SEMA3D: variants seen among roughly 807,000 people sequenced by gnomAD.
SEMA3D encodes the protein semaphorin 3D.
A neutral mutation model predicts 100.1 loss-of-function variants in SEMA3D; 84 were observed. That is an observed-to-expected ratio of 0.84 (90% CI 0.70 to 1.01). SEMA3D has a LOEUF of 1.01. SEMA3D is among the 50% of genes least tolerant of loss of function. The probability of loss-of-function intolerance (pLI) is 0.00; values close to 1 mark genes in which losing one functional copy is unlikely to be tolerated. For missense variants in SEMA3D, 875 were observed against 934.1 expected (o/e 0.94, Z 0.82); for synonymous variants, 312 against 320.7 (o/e 0.97, Z 0.29).
chr7:85,050,436 A>G (rs1476333114), intron 9 of SEMA3D: 1 of 230,878 alleles, frequency 4.3e-6, no homozygotes, highest in Non-Finnish European at 8.4e-6. Context: ...TAGAGTAAGT[A>G]GTTTGACTGG....
intron 1 of SEMA3D, among the ~76,000 whole-genome samples, chr7:85,169,962 AT>A: frequency 6.6e-6 from 1 of 151,858 alleles, no homozygotes; most frequent in South Asian, 2.1e-4. Context: ...GAATGTGAAA[AT>A]AAAAAAAAGT....
the SEMA3D span, among the ~76,000 whole-genome samples, chr7:85,223,837 A>G: frequency 9.2e-5 from 14 of 152,022 alleles, no homozygotes; most frequent in Non-Finnish European, 1.9e-4. Flanking sequence ...TGGGTGCATC[A>G]AAATCTCAGA....
At chr7:85,002,615 G>C (rs893775003) in intron 18 of SEMA3D, among the ~76,000 whole-genome samples, 2 of 152,226 alleles carry the variant, frequency 1.3e-5, no homozygotes, top group South Asian at 4.1e-4. Context: ...CCTCAACAAA[G>C]AGATAATGTA....
At position 85,120,666 on chromosome 7, in the gene SEMA3D, CAA is replaced by C. The variant is rs765641197; in HGVS notation, c.151+1073_151+1074del. On this transcript the variant is annotated intron_variant, in intron 3 of 18. Transcript: ENST00000284136. ...TGGGCAACAGAATGAGACTTCATCT[CAA>C]AAAAAAAAAAAAAAAGGTTTTAATT... Among the ~76,000 whole-genome samples, 116 of 82,798 alleles carry C rather than the reference CAA, an allele frequency of 1.4e-3. 1 individual carries two copies. The highest frequency in any genetic ancestry group is 3.9e-3 in the African/African-American group (100 of 25,658). 54.3% of individuals were successfully genotyped at this position (82,798 alleles called of 152,430 possible).
chr7:85,070,241 C>T (rs1033438371), intron 6 of SEMA3D, among the ~76,000 whole-genome samples: 10 of 152,198 alleles, frequency 6.6e-5, no homozygotes, highest in African/African-American at 2.4e-4. Flanking sequence ...GCCCACTTGG[C>T]ATGACCTACT....
At chr7:85,027,247 A>C (rs1413407989) in intron 12 of SEMA3D, among the ~76,000 whole-genome samples, 3 of 152,070 alleles carry the variant, frequency 2.0e-5, no homozygotes, top group Admixed American at 2.0e-4. Flanking sequence ...ATAATTTTTC[A>C]ATGACTCTTA....
rs575438444 is a variant in SEMA3D, at chr7:85,172,999, C to A, written c.-173+13679G>T. ...ACCTTTTTAGAAAAGGCATAAGGAA[C>A]AAGGCACAAAAGAAACAAGGTTGTA... On this transcript the variant is annotated intron_variant, in intron 1 of 18. Coordinates refer to ENST00000284136, the MANE Select transcript of SEMA3D (RefSeq NM_001384900.1). Among the ~76,000 whole-genome samples, 4 of 151,992 alleles carry A rather than the reference C, an allele frequency of 2.6e-5. No individual in the cohort carries two copies. The East Asian group carries it at 5.8e-4, about 22-fold the overall frequency.
At chr7:85,016,250 CTT>C (rs59812080) in intron 15 of SEMA3D, among the ~76,000 whole-genome samples, 42,443 of 128,468 alleles carry the variant, frequency 0.33, 6,200 homozygotes, top group African/African-American at 0.38. Context: ...TTTGTGATTC[CTT>C]TTTTTTTTTT....
intron 18 of SEMA3D, among the ~76,000 whole-genome samples, chr7:85,004,139 A>T (rs1048939956): frequency 6.6e-6 from 1 of 152,050 alleles, no homozygotes; most frequent in African/African-American, 2.4e-5. Flanking sequence ...GGAGACAGAA[A>T]AAACATGGAA....
the SEMA3D span, among the ~76,000 whole-genome samples, chr7:85,207,947 C>A: frequency 6.6e-6 from 1 of 151,832 alleles, no homozygotes; most frequent in Non-Finnish European, 1.5e-5. Context: ...GTCAGTTAGA[C>A]GAAAATATCT....
chr7:85,112,530 T>A (rs1327466007), intron 3 of SEMA3D, among the ~76,000 whole-genome samples: 2 of 152,276 alleles, frequency 1.3e-5, no homozygotes, highest in East Asian at 3.9e-4. Flanking sequence ...AAATGCAATG[T>A]TTTCCTCAAG....
chr7:85,193,516 G>A, the SEMA3D span, among the ~76,000 whole-genome samples: 1 of 152,116 alleles, frequency 6.6e-6, no homozygotes, highest in Non-Finnish European at 1.5e-5. Context: ...CGTCTAACCT[G>A]CTGGGATTTT....
At chr7:85,002,714 G>A (rs149471973) in intron 18 of SEMA3D, among the ~76,000 whole-genome samples, 5 of 152,232 alleles carry the variant, frequency 3.3e-5, no homozygotes, top group African/African-American at 4.8e-5. Context: ...TTAAAACCAC[G>A]TTTGAGCTGG....
chr7:85,144,607 T>C, intron 2 of SEMA3D: 3 of 984,576 alleles, frequency 3.0e-6, no homozygotes, highest in Non-Finnish European at 3.6e-6. Context: ...TTCTAAGAAT[T>C]TATACACATA....
intron 2 of SEMA3D, among the ~76,000 whole-genome samples, chr7:85,138,398 C>T (rs1789924741): frequency 6.6e-6 from 1 of 151,884 alleles, no homozygotes; most frequent in South Asian, 2.1e-4. Context: ...AAGGGATTCT[C>T]ACGTCTCAGC....
At chr7:85,039,558 C>T (rs550370642) in intron 11 of SEMA3D, among the ~76,000 whole-genome samples, 233 of 152,204 alleles carry the variant, frequency 1.5e-3, no homozygotes, top group Non-Finnish European at 2.8e-3. Context: ...TCGTGCCCAC[C>T]GATGCTAGTA....
intron 2 of SEMA3D, among the ~76,000 whole-genome samples, chr7:85,128,918 G>T (rs116047396): frequency 0.015 from 1,955 of 126,746 alleles, 49 homozygotes; most frequent in African/African-American, 0.056. Flanking sequence ...GATAGATAGG[G>T]TCTCACTCTG....
At position 85,186,925 on chromosome 7, in the gene SEMA3D, CG is replaced by C. The variant is rs2116595167; in HGVS notation, c.-421del. On this transcript the variant is annotated 5_prime_UTR_variant, in exon 1 of 19. Transcript: ENST00000284136. Reference sequence around the variant, plus strand: ...CCCCCGAGAGCCGCGCTAGGACAGGCGGAGAGCAAGGCACCAGCTGGAGCTT... The same window carrying C: ...CCCCCGAGAGCCGCGCTAGGACAGGCGAGAGCAAGGCACCAGCTGGAGCTT... The C allele has an allele frequency of 1.3e-5, 2 of 152,754 alleles. No individual in the cohort carries two copies. Among genetic ancestry groups the C allele is most frequent in the Non-Finnish European group, 2.9e-5 (2 of 68,532 alleles). 9.5% of individuals were successfully genotyped at this position (152,754 alleles called of 1,614,324 possible).
At chr7:85,243,829 T>C in the SEMA3D span, among the ~76,000 whole-genome samples, 1 of 152,356 alleles carries the variant, frequency 6.6e-6, no homozygotes, top group African/African-American at 2.4e-5. Flanking sequence ...ATTTTCCTAT[T>C]GAAGATGTTG....
Sources: gnomAD v4.1 joint callset for allele counts (sites outside exome capture counted in the v4.1 genomes callset) on GRCh38, gnomAD v4.1.1 for gene constraint, MANE v1.5 for transcripts, NCBI Gene and HGNC (gene_info 2026-07-23, HGNC 2026-07-21) for gene names.